Variants in KMT2C observed in about 807,000 individuals in gnomAD.
KMT2C encodes histone-lysine N-methyltransferase 2C.
KMT2C carries 88 observed loss-of-function variants against 507.9 expected under a neutral mutation model. The observed-to-expected ratio is 0.17, with a 90% CI of 0.15 to 0.21. The LOEUF (loss-of-function observed/expected upper bound fraction) is 0.21, where lower values mean the gene tolerates loss of function less well. Among genes scored for constraint, KMT2C ranks in the 10% least tolerant of loss-of-function variants. KMT2C has a pLI of 1.00. For missense variants in KMT2C, 4,954 were observed against 5,957.8 expected (o/e 0.83, Z 5.55); for synonymous variants, 2,049 against 2,080.8 (o/e 0.98, Z 0.42).
chr7:152,297,055 C>CAGACAGAGAGAGAGAGAGAGAGAG (rs1315629061), intron 6 of KMT2C, among the ~76,000 whole-genome samples: 9 of 84,436 alleles, frequency 1.1e-4, no homozygotes, highest in Admixed American at 3.8e-4. Flanking sequence ...GAAAGAAAGA[C>CAGACAGAGAGAGAGAGAGAGAGAG]AGAGAGAGAG....
In KMT2C at chr7:152,162,166, C is replaced by A; in HGVS notation, c.11411G>T (p.Cys3804Phe). Residue 3804 changes from cysteine (C) to phenylalanine (F), a missense_variant, in exon 43 of 59, where the codon TGT becomes TTT. By Grantham distance (205) the Cys-to-Phe change is radical. Transcript: ENST00000262189. ...PEGSICSEDD[C>F]TKDNKLVEKQ... ...CTCAACTAGTTTATTATCCTTTGTA[C>A]AGTCATCTTCTGAACAAATACTGCC... The A allele has an allele frequency of 6.2e-7, 1 of 1,606,772 alleles. No individual in the cohort carries two copies. The highest frequency in any genetic ancestry group is 8.5e-7 in the Non-Finnish European group (1 of 1,177,278).
chr7:152,330,636 G>C lies in KMT2C; in HGVS notation c.354C>G (p.Asn118Lys). ...LQRSVSEESA[N>K]SLVSVGVEAK... ...CTTCTACACCAACAGAGACCAGGGAGTTTGCCGATTCCTCAGACACAGATC... is the reference window on the plus strand; with the variant it reads ...CTTCTACACCAACAGAGACCAGGGACTTTGCCGATTCCTCAGACACAGATC... Residue 118 changes from asparagine (N) to lysine (K), a missense_variant, in exon 3 of 59, where the codon AAC (asparagine) becomes AAG (lysine). Transcript: ENST00000262189. 6.2e-7 allele frequency: 1 copy of C among 1,614,142 alleles called. No individual in the cohort carries two copies. Among genetic ancestry groups the C allele is most frequent in the Non-Finnish European group, 8.5e-7 (1 of 1,180,000 alleles).
At chr7:152,200,313 TTATAGACACTTA>T (rs1320503125) in intron 26 of KMT2C, among the ~76,000 whole-genome samples, 1 of 152,180 alleles carries the variant, frequency 6.6e-6, no homozygotes. Flanking sequence ...ACTATCCAAA[TTATAGACACTTA>T]TATTACAAAA....
intron 1 of KMT2C, among the ~76,000 whole-genome samples, chr7:152,421,374 G>C (rs2097776352): frequency 6.6e-6 from 1 of 152,080 alleles, no homozygotes. Flanking sequence ...ATTCAATCCA[G>C]GTATCCCATT....
chr7:152,384,797 A>T (rs1040851598), intron 1 of KMT2C, among the ~76,000 whole-genome samples: 6 of 152,306 alleles, frequency 3.9e-5, no homozygotes, highest in Admixed American at 1.3e-4. Context: ...AAGGTAAACA[A>T]GCAAACATTT....
At chr7:152,297,047 AAGAAAGACAGAGAGAGAGAG>A (rs1304480814) in intron 6 of KMT2C, among the ~76,000 whole-genome samples, 10 of 68,930 alleles carry the variant, frequency 1.5e-4, no homozygotes, top group African/African-American at 5.7e-4. Flanking sequence ...GAAAGAAAGA[AAGAAAGACAGAGAGAGAGAG>A]AGAGAGAGAG....
intron 2 of KMT2C, among the ~76,000 whole-genome samples, chr7:152,356,894 A>AAAGAAG (rs958443593): frequency 1.4e-5 from 1 of 72,186 alleles, no homozygotes; most frequent in Non-Finnish European, 3.0e-5. Flanking sequence ...TCCAACTCAA[A>AAAGAAG]AAGAATAATA....
At chr7:152,411,020 GGT>G (rs2097677275) in intron 1 of KMT2C, among the ~76,000 whole-genome samples, 1 of 149,578 alleles carries the variant, frequency 6.7e-6, no homozygotes, top group Non-Finnish European at 1.5e-5. Context: ...ATATATATAT[GGT>G]GTGTGTATAT....
chr7:152,272,638 T>C (rs2095998558), intron 7 of KMT2C, among the ~76,000 whole-genome samples: 1 of 152,188 alleles, frequency 6.6e-6, no homozygotes, highest in South Asian at 2.1e-4. Context: ...TTAAATCCCT[T>C]ATTAGCCTAA....
chr7:152,314,708 A>C (rs996021470), intron 4 of KMT2C, among the ~76,000 whole-genome samples: 1 of 152,128 alleles, frequency 6.6e-6, no homozygotes, highest in Non-Finnish European at 1.5e-5. Context: ...AGTAGTGAAA[A>C]CCAATTCTGG....
chr7:152,274,438 GA>G (rs113534533), intron 6 of KMT2C, among the ~76,000 whole-genome samples: 9 of 151,614 alleles, frequency 5.9e-5, no homozygotes, highest in Non-Finnish European at 1.3e-4. Flanking sequence ...AAATGTGGGC[GA>G]AAAAAAATTA....
At chr7:152,290,258 GTATATATATATATATATATA>G (rs746466676) in intron 6 of KMT2C, among the ~76,000 whole-genome samples, 14 of 26,262 alleles carry the variant, frequency 5.3e-4, no homozygotes, top group Admixed American at 7.8e-4. Flanking sequence ...GTGTGTATGT[GTATATATATATATATATATA>G]TATATATATA....
intron 43 of KMT2C, 88 bp downstream of exon 43, chr7:152,162,029 T>C: frequency 3.7e-6 from 5 of 1,369,570 alleles, no homozygotes; most frequent in Non-Finnish European, 3.8e-6. Flanking sequence ...TGTAGAATAA[T>C]GTGGAAATAC....
chr7:152,425,646 T>C (rs931366422), intron 1 of KMT2C, among the ~76,000 whole-genome samples: 11 of 152,180 alleles, frequency 7.2e-5, no homozygotes, highest in African/African-American at 2.4e-4. Flanking sequence ...CAATGAGAAC[T>C]TTAAGAATAT....
At chr7:152,154,170 A>C (rs2091871227) in intron 47 of KMT2C, 24 bp from the exon 48 acceptor site, 1 of 1,612,276 alleles carries the variant, frequency 6.2e-7, no homozygotes. Flanking sequence ...GAAAAAAAAG[A>C]GGAAAATAGT....
intron 52 of KMT2C, 134 bp from the exon 53 acceptor site, chr7:152,146,869 T>C: frequency 2.4e-6 from 2 of 834,774 alleles, no homozygotes; most frequent in East Asian, 2.7e-5. Context: ...ATCTAATAAA[T>C]CTGTTTGGTA....
chr7:152,212,031 A>C (rs1588246873), intron 23 of KMT2C, among the ~76,000 whole-genome samples: 1 of 152,084 alleles, frequency 6.6e-6, no homozygotes, highest in Non-Finnish European at 1.5e-5. Context: ...CTGGGCGACA[A>C]AGCAAGACTC....
chr7:152,143,774 C>A (rs1405155328), intron 55 of KMT2C, among the ~76,000 whole-genome samples: 1 of 152,226 alleles, frequency 6.6e-6, no homozygotes, highest in Non-Finnish European at 1.5e-5. Context: ...GAAGATCCTA[C>A]AAACTTCTAG....
rs776155729 is a variant in KMT2C, at chr7:152,163,307, C to T, written c.10270G>A (p.Ala3424Thr). 1.8e-5 allele frequency: 29 copies of T among 1,614,204 alleles called. No individual in the cohort carries two copies. The Admixed American group carries it at 4.3e-4, about 24-fold the overall frequency. Residue 3424 changes from alanine (A) to threonine (T), a missense_variant, in exon 43 of 59, where the codon GCT (alanine) becomes ACT (threonine). Around this residue, in one of 29 missense-constraint regions of KMT2C, gnomAD observed 801 missense variants for 751.2 expected, o/e 1.07. Transcript: ENST00000262189. ...QLMQEVDRQR[A>T]LQQRMEMEQH... ...TCCATTTCCATCCTCTGCTGCAAAG[C>T]TCTTTGTCTATCTACCTCCTGCATG...
Sources: gnomAD v4.1 joint callset for allele counts (sites outside exome capture counted in the v4.1 genomes callset) on GRCh38, gnomAD v4.1.1 for gene constraint, gnomAD v4.1.1 regional missense constraint, MANE v1.5 for transcripts, NCBI Gene and HGNC (gene_info 2026-07-23, HGNC 2026-07-21) for gene names.